ZMYM6: variants seen among roughly 807,000 people sequenced by gnomAD.
ZMYM6 encodes zinc finger MYM-type containing 6, also known as zinc finger MYM-type protein 6.
ZMYM6 carries 90 observed loss-of-function variants against 134.0 expected under a neutral mutation model. The observed-to-expected ratio is 0.67, with a 90% CI of 0.57 to 0.80. ZMYM6 has a LOEUF of 0.80. ZMYM6 is among the 30% of genes least tolerant of loss of function. ZMYM6 has a pLI of 0.00. For synonymous variants in ZMYM6, 481 were observed against 524.1 expected, an observed-to-expected ratio of 0.92 and a Z score of 1.12; for missense variants, 1,362 against 1,533.9, an observed-to-expected ratio of 0.89 and a Z score of 1.87.
In ZMYM6 at chr1:35,020,568, CTTTT is replaced by C. The variant is rs942213398; in HGVS notation, c.94-105_94-102del. 897 of 240,804 alleles carry C rather than the reference CTTTT, an allele frequency of 3.7e-3. 1 individual carries two copies. The highest frequency in any genetic ancestry group is 9.1e-3 in the South Asian group (87 of 9,522). The allele number at this position is 240,804 out of a possible 1,614,324, so 14.9% of individuals were successfully genotyped here. ...AAAATTATTCTATCCTATTCATCTC[CTTTT>C]TTTTTTTTTTTTTTTTTTGAGATGG... On this transcript the variant is annotated intron_variant, in intron 2 of 15. Coordinates refer to ENST00000357182, the MANE Select transcript of ZMYM6 (RefSeq NM_007167.4).
Position 34,987,223 on chromosome 1 carries a change from C to T in ZMYM6, c.3859G>A (p.Ala1287Thr), listed in dbSNP as rs775253571. Residue 1287 changes from alanine (A) to threonine (T), a missense_variant, in exon 16 of 16, where the codon GCC becomes ACC. Ala to Thr is a moderately conservative substitution (Grantham distance 58). This residue lies in a region of ZMYM6 where 824 missense variants were observed against 940.9 expected (regional missense o/e 0.88). Transcript: ENST00000357182. ...TTTGACTCAGTCAAAGCTGAAAAGG[C>T]AGCATCACATAAATAAACAGTTGAA... is the stretch of plus-strand genomic sequence containing the variant. The part of the protein sequence containing the change: ...PFSTVYLCDA[A>T]FSALTESKQK... 1.2e-6 allele frequency: 2 copies of T among 1,613,788 alleles called. No individual in the cohort carries two copies. Among genetic ancestry groups the T allele is most frequent in the Non-Finnish European group, 8.5e-7 (1 of 1,179,916 alleles).
intron 14 of ZMYM6, among the ~76,000 whole-genome samples, chr1:34,999,723 A>G (rs1284572731): frequency 1.3e-5 from 2 of 152,168 alleles, no homozygotes; most frequent in Non-Finnish European, 2.9e-5. Context: ...CACCAAACAG[A>G]TTAGCAAAAA....
In ZMYM6 at chr1:35,015,070, T is replaced by A; in HGVS notation, c.521A>T (p.Tyr174Phe). 6.2e-7 allele frequency: 1 copy of A among 1,614,104 alleles called. No individual in the cohort carries two copies. Among genetic ancestry groups the A allele is most frequent in the Non-Finnish European group, 8.5e-7 (1 of 1,180,000 alleles). The change falls in exon 5 of 16, where the codon TAT (tyrosine) becomes TTT (phenylalanine). Residue 174 changes from tyrosine (Y) to phenylalanine (F), a missense_variant. This residue lies in a region of ZMYM6 where 503 missense variants were observed against 520.8 expected (regional missense o/e 0.97). Transcript: ENST00000357182. The stretch of plus-strand genomic sequence containing the variant: ...AACAACAGGTTTTTTCTTTAGCTCA[T>A]AAGATGACAAGCATGATTGGCTGCA... ...DFCSQSCLSS[Y>F]ELKKKPVVTI...
intron 4 of ZMYM6, among the ~76,000 whole-genome samples, chr1:35,016,938 G>C (rs564158093): frequency 1.3e-5 from 2 of 150,920 alleles, no homozygotes; most frequent in African/African-American, 4.9e-5. Context: ...CCGGGAGGTA[G>C]AGGCTGCAGT....
chr1:35,024,993 C>T (rs535904912), intron 2 of ZMYM6, among the ~76,000 whole-genome samples: 1 of 152,022 alleles, frequency 6.6e-6, no homozygotes, highest in South Asian at 2.1e-4. Flanking sequence ...CTCAGCCTCC[C>T]CAGTAGCTGA....
intron 2 of ZMYM6, among the ~76,000 whole-genome samples, chr1:35,025,820 A>G (rs1322229169): frequency 2.0e-5 from 3 of 152,162 alleles, no homozygotes; most frequent in Non-Finnish European, 2.9e-5. Context: ...GTGACTTTTA[A>G]CGGGTTACTA....
intron 14 of ZMYM6, among the ~76,000 whole-genome samples, chr1:34,994,287 T>A (rs541757560): frequency 8.2e-4 from 124 of 152,062 alleles, no homozygotes; most frequent in Non-Finnish European, 1.6e-3. Flanking sequence ...ATGAAGAAAA[T>A]AAAGCAGCGT....
At position 34,993,800 on chromosome 1, in the gene ZMYM6, C is replaced by G. The variant is rs530229786; in HGVS notation, c.1993-1413G>C. On this transcript the variant is annotated intron_variant, in intron 14 of 15. Transcript: ENST00000357182. ...CTGGATTCATGCCATTCTCCTGCCTCAGCCTCCTGAGTAGCTGGGACTACA... is the reference window on the plus strand; with the variant it reads ...CTGGATTCATGCCATTCTCCTGCCTGAGCCTCCTGAGTAGCTGGGACTACA... Among the ~76,000 whole-genome samples, 88 of 152,142 alleles carry G rather than the reference C, an allele frequency of 5.8e-4. 3 individuals are homozygous for G. The highest frequency in any genetic ancestry group is 4.8e-3 in the South Asian group (23 of 4,826).
At chr1:34,993,654 G>A (rs1640724946) in intron 14 of ZMYM6, among the ~76,000 whole-genome samples, 1 of 151,914 alleles carries the variant, frequency 6.6e-6, no homozygotes, top group Admixed American at 6.6e-5. Flanking sequence ...CTACTATTCT[G>A]CCTATCATAA....
At position 35,031,866 on chromosome 1, in the gene ZMYM6, T is replaced by A. The variant is rs1217855513; in HGVS notation, c.-126A>T. ...GAGCACTGGAATAGGAACCAAGTCC[T>A]CTGCATCTAGACAGGGATTATTTTC... On this transcript the variant is annotated 5_prime_UTR_variant, in exon 1 of 16. Coordinates refer to ENST00000357182, the MANE Select transcript of ZMYM6 (RefSeq NM_007167.4). The A allele has an allele frequency of 1.3e-5, 2 of 152,382 alleles. No homozygotes were observed. Among genetic ancestry groups the A allele is most frequent in the African/African-American group, 2.4e-5 (1 of 41,448 alleles). 9.4% of individuals were successfully genotyped at this position (152,382 alleles called of 1,614,324 possible).
chr1:35,008,627 A>T, intron 11 of ZMYM6, 125 bp downstream of exon 11: 1 of 862,966 alleles, frequency 1.2e-6, no homozygotes. Flanking sequence ...TTTCTATTAT[A>T]GCCCATAACT....
chr1:35,018,487 ATATT>A (rs986805506), intron 4 of ZMYM6: 1 of 151,554 alleles, frequency 6.6e-6, no homozygotes, highest in Non-Finnish European at 1.5e-5. Flanking sequence ...ATATACACAT[ATATT>A]TATTATATTT....
At chr1:34,989,233 A>G in intron 15 of ZMYM6, 1 of 1,089,054 alleles carries the variant, frequency 9.2e-7, no homozygotes, top group Non-Finnish European at 1.1e-6. Flanking sequence ...CATGATACAC[A>G]TCAAATTAAC....
In ZMYM6 at chr1:35,027,215, T is replaced by C. The variant is rs544826249; in HGVS notation, c.93+3332A>G. Among the ~76,000 whole-genome samples, 109 of 152,166 alleles carry C rather than the reference T, an allele frequency of 7.2e-4. No homozygotes were observed. In the Middle Eastern group the frequency reaches 0.014, roughly 19 times the overall value. ...CAAATAGCTGGCAGCAGCATAGATT[T>C]GAAAAGGTGGAAACAATGAATGATG... On this transcript the variant is annotated intron_variant, in intron 2 of 15. Coordinates refer to ENST00000357182, the MANE Select transcript of ZMYM6 (RefSeq NM_007167.4).
Position 34,992,260 on chromosome 1 carries a change from T to C in ZMYM6, c.2120A>G (p.His707Arg). 1 of 1,614,092 alleles carries C rather than the reference T, an allele frequency of 6.2e-7. No homozygotes were observed. The change falls in exon 15 of 16, where the codon CAT (histidine) becomes CGT (arginine). Residue 707 changes from histidine (H) to arginine (R), a missense_variant. Transcript: ENST00000357182. ...TGTCTGACATTCTTTGTGCTGTGTA[T>C]GTGGTTTGCAAGAAGTGGCCTTGGT... Reference protein sequence around the residue: ...TQTKATSCKPHTQHKECQTDL... With the variant: ...TQTKATSCKPRTQHKECQTDL...
intron 4 of ZMYM6, among the ~76,000 whole-genome samples, chr1:35,015,723 C>CAAAA (rs1331400824): frequency 0.021 from 1,054 of 51,010 alleles, 9 homozygotes; most frequent in East Asian, 0.14. Flanking sequence ...GACTCCATCT[C>CAAAA]AAAAAAAAAA....
At chr1:35,025,162 C>T (rs2148461535) in intron 2 of ZMYM6, among the ~76,000 whole-genome samples, 1 of 151,554 alleles carries the variant, frequency 6.6e-6, no homozygotes, top group Non-Finnish European at 1.5e-5. Context: ...TGAGCCACCA[C>T]TCATGGCCTT....
At chr1:35,012,625 T>A (rs1295453705) in intron 6 of ZMYM6, 44 bp from the exon 7 acceptor site, 1 of 1,587,978 alleles carries the variant, frequency 6.3e-7, no homozygotes, top group Non-Finnish European at 8.5e-7. Context: ...CAAACATACA[T>A]ATTTACATAT....
At chr1:34,992,693 A>AATATATTTATAAATATAAAT (rs1557558288) in intron 14 of ZMYM6, among the ~76,000 whole-genome samples, 1 of 102,160 alleles carries the variant, frequency 9.8e-6, no homozygotes, top group African/African-American at 9.6e-5. Context: ...TAAATATAAA[A>AATATATTTATAAATATAAAT]ATAAAAATAT....
Sources: gnomAD v4.1 joint callset for allele counts (sites outside exome capture counted in the v4.1 genomes callset) on GRCh38, gnomAD v4.1.1 for gene constraint, gnomAD v4.1.1 regional missense constraint, MANE v1.5 for transcripts, NCBI Gene and HGNC (gene_info 2026-07-23, HGNC 2026-07-21) for gene names.